Variants in LARS1 observed in about 807,000 individuals in gnomAD.
The protein encoded by LARS1 is leucine--tRNA ligase, cytoplasmic.
A neutral mutation model predicts 162.8 loss-of-function variants in LARS1; 100 were observed. The ratio of observed to expected loss-of-function variants is 0.61; its 90% confidence interval spans 0.52 to 0.73. The LOEUF is 0.73. Among genes scored for constraint, LARS1 ranks in the 30% least tolerant of loss-of-function variants. The pLI, the probability that LARS1 is intolerant of heterozygous loss-of-function variation, is 0.00. For synonymous variants in LARS1, 457 were observed against 462.8 expected, an observed-to-expected ratio of 0.99 and a Z score of 0.16; for missense variants, 1,258 against 1,408.9, an observed-to-expected ratio of 0.89 and a Z score of 1.71.
chr5:146,128,837 GAGA>G (rs774986228), intron 26 of LARS1, 55 bp from the exon 27 acceptor site: 17 of 1,498,506 alleles, frequency 1.1e-5, no homozygotes, highest in Non-Finnish European at 1.5e-5. Flanking sequence ...AACCAAAAAT[GAGA>G]AGAACCCTCC....
chr5:146,146,532 CAAAAAAAAAA>C (rs573828595), intron 15 of LARS1, among the ~76,000 whole-genome samples: 2 of 26,502 alleles, frequency 7.5e-5, no homozygotes, highest in Admixed American at 6.5e-4. Flanking sequence ...ATGCCAGAAC[CAAAAAAAAAA>C]AAAAAAAAAA....
In LARS1 at chr5:146,126,345, G is replaced by A; in HGVS notation, c.2991+90C>T. On this transcript the variant is annotated intron_variant, in intron 28 of 31. Transcript: ENST00000394434. ...TGCTATTTTAGCAGATTTCTGGCAG[G>A]AGACTATGTCCAAGGCTTTTCCCCA... 4 of 668,708 alleles carry A rather than the reference G, an allele frequency of 6.0e-6. No homozygotes were observed. In the South Asian group the frequency reaches 9.3e-5, roughly 15 times the overall value. 41.4% of individuals were successfully genotyped at this position (668,708 alleles called of 1,614,324 possible).
At chr5:146,182,279 T>C (rs1434450178) in intron 1 of LARS1, 61 of 647,592 alleles carry the variant, frequency 9.4e-5, no homozygotes, top group Middle Eastern at 6.1e-4. Flanking sequence ...AAATAACAAA[T>C]ATGATATCCA....
At chr5:146,149,158 T>C (rs1265989884) in intron 15 of LARS1, among the ~76,000 whole-genome samples, 1 of 151,974 alleles carries the variant, frequency 6.6e-6, no homozygotes, top group Non-Finnish European at 1.5e-5. Context: ...TATGGAAAAG[T>C]GATGAGGAAA....
chr5:146,174,969 C>T (rs1352077872), intron 2 of LARS1, among the ~76,000 whole-genome samples: 2 of 152,134 alleles, frequency 1.3e-5, no homozygotes, highest in African/African-American at 2.4e-5. Context: ...CCTATAATCC[C>T]GGCACTTTGG....
At chr5:146,180,035 T>G (rs1385308357) in intron 1 of LARS1, among the ~76,000 whole-genome samples, 1 of 152,262 alleles carries the variant, frequency 6.6e-6, no homozygotes, top group Non-Finnish European at 1.5e-5. Flanking sequence ...AAATTGTTTA[T>G]AGTCACCTTA....
chr5:146,129,084 G>T lies in LARS1; in HGVS notation c.2663C>A (p.Ala888Glu). The T allele has an allele frequency of 6.2e-7, 1 of 1,603,560 alleles. No homozygotes were observed. The highest frequency in any genetic ancestry group is 1.3e-5 in the African/African-American group (1 of 74,526). Reference protein sequence around the residue: ...DSIMNASWPVAGPVNEVLIHS... With the variant: ...DSIMNASWPVEGPVNEVLIHS... ...TATTAAAACTTCATTAACAGGACCT[G>T]CCACAGGCCATGAAGCATTCATAAT... Residue 888 changes from alanine to glutamate, a missense_variant, in exon 26 of 32, where the codon GCA (alanine) becomes GAA (glutamate). Physicochemically the swap from Ala to Glu is moderately radical, Grantham distance 107. Coordinates refer to ENST00000394434, the MANE Select transcript of LARS1 (RefSeq NM_020117.11).
intron 21 of LARS1, chr5:146,139,589 T>C (rs1373175401): frequency 1.3e-5 from 2 of 151,802 alleles, no homozygotes; most frequent in Non-Finnish European, 2.9e-5. Context: ...AAAAATTAAT[T>C]TATAGGCCAG....
intron 31 of LARS1, among the ~76,000 whole-genome samples, chr5:146,115,045 G>GAAA (rs1764140617): frequency 1.1e-5 from 1 of 91,058 alleles, no homozygotes; most frequent in African/African-American, 4.0e-5. Context: ...TCTGTCGGGG[G>GAAA]GAAAAAAAAA....
At position 146,171,075 on chromosome 5, in the gene LARS1, G is replaced by A. The variant is rs1339409784; in HGVS notation, c.294+835C>T. Among the ~76,000 whole-genome samples the A allele has an allele frequency of 5.9e-5, 9 of 151,918 alleles. 1 individual carries two copies. The East Asian group carries it at 1.7e-3, about 29-fold the overall frequency. On this transcript the variant is annotated intron_variant, in intron 4 of 31. Transcript: ENST00000394434. ...TTCTTTAAAATAAAAGGTTGCAGAA[G>A]GCCGGGCATGGTGGCTCACGCTTGT... is the stretch of plus-strand genomic sequence containing the variant.
chr5:146,123,015 C>T (rs1393984042), intron 29 of LARS1, among the ~76,000 whole-genome samples: 7 of 151,834 alleles, frequency 4.6e-5, no homozygotes, highest in Non-Finnish European at 8.8e-5. Context: ...ACATAAGGTG[C>T]GTCTGCATGG....
intron 31 of LARS1, among the ~76,000 whole-genome samples, chr5:146,115,032 G>A (rs1764138904): frequency 8.5e-6 from 1 of 117,872 alleles, no homozygotes; most frequent in Non-Finnish European, 1.7e-5. Flanking sequence ...AACAGAGCAA[G>A]ATTCTGTCGG....
At chr5:146,157,253 A>C (rs930836872) in intron 10 of LARS1, 150 bp downstream of exon 10, 65 of 688,442 alleles carry the variant, frequency 9.4e-5, no homozygotes, top group South Asian at 9.0e-4. Flanking sequence ...GTATATACAT[A>C]TGAAAATGCA....
At chr5:146,168,998 GGC>G (rs1420041859) in intron 4 of LARS1, among the ~76,000 whole-genome samples, 1 of 151,848 alleles carries the variant, frequency 6.6e-6, no homozygotes, top group African/African-American at 2.4e-5. Context: ...ACACCAATAT[GGC>G]ACATGTATAC....
In LARS1 at chr5:146,117,744, T is replaced by G. The variant is rs112990558; in HGVS notation, c.3325+2627A>C. Reference sequence around the variant, plus strand: ...GATGAAGCTATCATTCTATGGTACCTAGTTCACTGAGAGGACATAATAAAT... The same window carrying G: ...GATGAAGCTATCATTCTATGGTACCGAGTTCACTGAGAGGACATAATAAAT... On this transcript the variant is annotated intron_variant, in intron 31 of 31. Transcript: ENST00000394434. 2.6e-3 allele frequency among the ~76,000 whole-genome samples: 399 copies of G among 152,122 alleles called. 2 individuals are homozygous for G. Among genetic ancestry groups the G allele is most frequent in the African/African-American group, 8.8e-3 (367 of 41,556 alleles).
Position 146,160,356 on chromosome 5 carries a change from C to A in LARS1, c.707+18G>T. ...CAACTGATTTTTGCTTTATTATGCT[C>A]AAGTATAACAAACTTACCGCTTCCC... On this transcript the variant is annotated intron_variant, in intron 7 of 31. Transcript: ENST00000394434. 7.1e-7 allele frequency: 1 copy of A among 1,398,842 alleles called. No individual in the cohort carries two copies. 86.7% of individuals were successfully genotyped at this position (1,398,842 alleles called of 1,614,324 possible).
In LARS1 at chr5:146,115,581, C is replaced by CAAAAAAAAAA. The variant is rs58644900; in HGVS notation, c.3326-1280_3326-1271dup. Reference sequence around the variant, plus strand: ...GCAAGCTGAAAAAATAGCGCCTGACCAAAAAAAAAAAAAAAAAAAAAAAAA... The same window carrying CAAAAAAAAAA: ...GCAAGCTGAAAAAATAGCGCCTGACCAAAAAAAAAAAAAAAAAAAAAAAAAAAAAAAAAAA... On this transcript the variant is annotated intron_variant, in intron 31 of 31. Coordinates refer to ENST00000394434, the MANE Select transcript of LARS1 (RefSeq NM_020117.11). 2.2e-3 allele frequency among the ~76,000 whole-genome samples: 46 copies of CAAAAAAAAAA among 20,614 alleles called. 9 individuals are homozygous for CAAAAAAAAAA. Among genetic ancestry groups the CAAAAAAAAAA allele is most frequent in the Non-Finnish European group, 3.8e-3 (36 of 9,426 alleles). 13.5% of individuals were successfully genotyped at this position (20,614 alleles called of 152,430 possible). A position where few individuals can be genotyped will look rare whatever the true frequency, so the allele number is the denominator to read the frequency against.
chr5:146,143,566 T>G lies in LARS1; in HGVS notation c.1739-16A>C. 6.2e-7 allele frequency: 1 copy of G among 1,611,532 alleles called. No individual in the cohort carries two copies. The highest frequency in any genetic ancestry group is 8.5e-7 in the Non-Finnish European group (1 of 1,178,368). On this transcript the variant is annotated splice_polypyrimidine_tract_variant and intron_variant, in intron 18 of 31. Coordinates refer to ENST00000394434, the MANE Select transcript of LARS1 (RefSeq NM_020117.11). ...AGGTGAGTGCCTGAAAAATAAAAAG[T>G]AACGCATGAGGAACCTGAGAGACAT...
Position 146,113,883 on chromosome 5 carries a change from C to A in LARS1, c.*223G>T, listed in dbSNP as rs944848287. The A allele has an allele frequency of 4.0e-6, 2 of 504,190 alleles. No individual in the cohort carries two copies. The highest frequency in any genetic ancestry group is 3.5e-6 in the Non-Finnish European group (1 of 284,426). 31.2% of individuals were successfully genotyped at this position (504,190 alleles called of 1,614,324 possible). Reference sequence around the variant, plus strand: ...AATTTGTTTTTTAAAAAGAGTTTGGCAAAAACCATTTCTCTTGGACACCCA... The same window carrying A: ...AATTTGTTTTTTAAAAAGAGTTTGGAAAAAACCATTTCTCTTGGACACCCA... On this transcript the variant is annotated 3_prime_UTR_variant, in exon 32 of 32. Transcript: ENST00000394434.
Sources: gnomAD v4.1 joint callset for allele counts (sites outside exome capture counted in the v4.1 genomes callset) on GRCh38, gnomAD v4.1.1 for gene constraint, MANE v1.5 for transcripts, NCBI Gene and HGNC (gene_info 2026-07-23, HGNC 2026-07-21) for gene names.